Variants in BCAS1 observed in about 807,000 individuals in gnomAD.
BCAS1 encodes brain enriched myelin associated protein 1.
BCAS1 carries 46 observed loss-of-function variants against 65.4 expected under a neutral mutation model. The observed-to-expected ratio is 0.70, with a 90% CI of 0.55 to 0.90. The LOEUF (loss-of-function observed/expected upper bound fraction) is 0.90, where lower values mean the gene tolerates loss of function less well. Among genes scored for constraint, BCAS1 ranks in the 40% least tolerant of loss-of-function variants. The probability of loss-of-function intolerance (pLI) is 0.00; values close to 1 mark genes in which losing one functional copy is unlikely to be tolerated. For synonymous variants in BCAS1, 298 were observed against 293.5 expected, an observed-to-expected ratio of 1.02 and a Z score of -0.16; for missense variants, 793 against 771.2, an observed-to-expected ratio of 1.03 and a Z score of -0.33.
intron 4 of BCAS1, among the ~76,000 whole-genome samples, chr20:54,006,547 T>C (rs2091196742): frequency 6.6e-6 from 1 of 151,920 alleles, no homozygotes; most frequent in Admixed American, 6.6e-5. Context: ...CCGCCTCTAT[T>C]AAAAATACAA....
chr20:54,066,371 C>T (rs190892555), intron 1 of BCAS1, among the ~76,000 whole-genome samples: 2 of 152,156 alleles, frequency 1.3e-5, no homozygotes, highest in Non-Finnish European at 2.9e-5. Flanking sequence ...CGGGCCCGGC[C>T]GAGGCAGGTA....
At chr20:53,974,248 C>T (rs779376594) in intron 9 of BCAS1, among the ~76,000 whole-genome samples, 7 of 152,188 alleles carry the variant, frequency 4.6e-5, no homozygotes, top group South Asian at 2.1e-4. Context: ...TCCCCTTCCA[C>T]GCTGTGGAAG....
chr20:54,048,002 G>A (rs2092142553), intron 3 of BCAS1, among the ~76,000 whole-genome samples: 1 of 152,172 alleles, frequency 6.6e-6, no homozygotes, highest in African/African-American at 2.4e-5. Flanking sequence ...ATCCATAGTT[G>A]AGCATAGAAA....
chr20:54,052,140 A>C (rs796374108), intron 3 of BCAS1, among the ~76,000 whole-genome samples: 3 of 152,298 alleles, frequency 2.0e-5, no homozygotes, highest in African/African-American at 7.2e-5. Context: ...AAATCCACCA[A>C]CTTTAATAGC....
chr20:53,950,526 C>T (rs1345164606), intron 12 of BCAS1, among the ~76,000 whole-genome samples: 1 of 152,064 alleles, frequency 6.6e-6, no homozygotes, highest in African/African-American at 2.4e-5. Flanking sequence ...TTATTTCCCT[C>T]AGTGATCTCC....
intron 3 of BCAS1, among the ~76,000 whole-genome samples, chr20:54,042,743 C>T (rs1057456162): frequency 1.3e-5 from 2 of 152,118 alleles, no homozygotes; most frequent in African/African-American, 4.8e-5. Context: ...CTACCCCATC[C>T]ATTAAGAAAT....
At chr20:53,979,653 G>T (rs772192388) in intron 8 of BCAS1, among the ~76,000 whole-genome samples, 1 of 152,210 alleles carries the variant, frequency 6.6e-6, no homozygotes, top group Non-Finnish European at 1.5e-5. Flanking sequence ...TGGCTTGGGG[G>T]TGACCACCCA....
intron 10 of BCAS1, among the ~76,000 whole-genome samples, chr20:53,959,416 G>A (rs559979188): frequency 1.6e-4 from 25 of 152,094 alleles, no homozygotes; most frequent in Non-Finnish European, 3.4e-4. Context: ...AACACGCCCT[G>A]CTAATTTTTG....
intron 9 of BCAS1, among the ~76,000 whole-genome samples, chr20:53,973,010 T>C (rs766336752): frequency 2.0e-5 from 3 of 152,130 alleles, no homozygotes; most frequent in Non-Finnish European, 4.4e-5. Context: ...GGCGGATCAC[T>C]TGAGGTCAGG....
At chr20:54,010,223 C>A (rs2091290088) in intron 4 of BCAS1, among the ~76,000 whole-genome samples, 1 of 151,948 alleles carries the variant, frequency 6.6e-6, no homozygotes, top group East Asian at 1.9e-4. Flanking sequence ...AGTGGAAGTT[C>A]TAGGAAGTAT....
intron 4 of BCAS1, among the ~76,000 whole-genome samples, chr20:54,001,917 G>A (rs1013571028): frequency 1.3e-5 from 2 of 152,036 alleles, no homozygotes; most frequent in Admixed American, 6.6e-5. Flanking sequence ...ATATTTTCTC[G>A]CTAATGAGGA....
intron 8 of BCAS1, among the ~76,000 whole-genome samples, chr20:53,981,156 G>A (rs1159286689): frequency 1.3e-5 from 2 of 152,258 alleles, no homozygotes; most frequent in East Asian, 3.9e-4. Flanking sequence ...CCTGTTCCTA[G>A]TGAGTCTTCT....
At chr20:53,986,697 A>T (rs2060879240) in intron 7 of BCAS1, among the ~76,000 whole-genome samples, 1 of 152,148 alleles carries the variant, frequency 6.6e-6, no homozygotes, top group South Asian at 2.1e-4. Context: ...CGGGAGTTCA[A>T]GACCAGCCTG....
At chr20:54,050,986 T>C (rs77889478) in intron 3 of BCAS1, among the ~76,000 whole-genome samples, 30 of 152,298 alleles carry the variant, frequency 2.0e-4, no homozygotes, top group Non-Finnish European at 4.1e-4. Flanking sequence ...CCTTTTTAGG[T>C]ATTTCCTTCC....
At chr20:54,009,217 G>T in intron 4 of BCAS1, among the ~76,000 whole-genome samples, 1 of 152,064 alleles carries the variant, frequency 6.6e-6, no homozygotes, top group East Asian at 1.9e-4. Flanking sequence ...AGAAATAGAA[G>T]ATATAAAAAT....
At chr20:53,957,195 T>C (rs1167775133) in intron 11 of BCAS1, among the ~76,000 whole-genome samples, 2 of 152,224 alleles carry the variant, frequency 1.3e-5, no homozygotes, top group Non-Finnish European at 2.9e-5. Flanking sequence ...AGATTTTTAA[T>C]GCAGAAAAGA....
chr20:53,992,107 T>G (rs761985324), intron 7 of BCAS1, among the ~76,000 whole-genome samples: 18 of 152,218 alleles, frequency 1.2e-4, no homozygotes, highest in Non-Finnish European at 2.1e-4. Context: ...ACCTTCCTCT[T>G]AGGAAAAATT....
In BCAS1 at chr20:53,957,514, A is replaced by T. The variant is rs761899955; in HGVS notation, c.1486-17T>A. 7 of 1,610,670 alleles carry T rather than the reference A, an allele frequency of 4.3e-6. No homozygotes were observed. The South Asian group carries it at 7.7e-5, about 18-fold the overall frequency. ...TTTCACTGACTAAAATAACAAACAGACAATGGCCTTCAGCCACAAGTACAG... is the reference window on the plus strand; with the variant it reads ...TTTCACTGACTAAAATAACAAACAGTCAATGGCCTTCAGCCACAAGTACAG... On this transcript the variant is annotated splice_polypyrimidine_tract_variant and intron_variant, in intron 10 of 12. Transcript: ENST00000688948.
intron 3 of BCAS1, among the ~76,000 whole-genome samples, chr20:54,049,339 G>A (rs867931201): frequency 4.6e-5 from 7 of 152,144 alleles, no homozygotes; most frequent in Admixed American, 3.3e-4. Context: ...AAAATGACGT[G>A]TCCTGGCAGG....
Sources: gnomAD v4.1 joint callset for allele counts (sites outside exome capture counted in the v4.1 genomes callset) on GRCh38, gnomAD v4.1.1 for gene constraint, MANE v1.5 for transcripts, NCBI Gene and HGNC (gene_info 2026-07-23, HGNC 2026-07-21) for gene names.